The following PTPDC1 variants were observed in gnomAD, a reference collection of about 807,000 sequenced individuals.
The protein encoded by PTPDC1 is protein tyrosine phosphatase domain-containing protein 1.
PTPDC1 carries 53 observed loss-of-function variants against 75.3 expected under a neutral mutation model. The ratio of observed to expected loss-of-function variants is 0.70; its 90% CI spans 0.56 to 0.88. The LOEUF is 0.88. Ranked by LOEUF, PTPDC1 falls within the 40% of genes least tolerant of loss-of-function variation. PTPDC1 has a pLI of 0.00. For missense variants in PTPDC1, 925 were observed against 998.6 expected (o/e 0.93, Z 0.99); for synonymous variants, 349 against 366.2 (o/e 0.95, Z 0.54).
At chr9:94,031,227 A>G (rs1299571533) in intron 1 of PTPDC1, 2 of 152,144 alleles carry the variant, frequency 1.3e-5, no homozygotes, top group East Asian at 1.9e-4. Flanking sequence ...GTGGAGGCAA[A>G]TCACTGAGGG....
At chr9:94,071,625 A>G (rs1304513107) in intron 2 of PTPDC1, among the ~76,000 whole-genome samples, 2 of 152,160 alleles carry the variant, frequency 1.3e-5, no homozygotes, top group African/African-American at 4.8e-5. Context: ...ACTGATCTAT[A>G]TATCTGTCCA....
intron 1 of PTPDC1, among the ~76,000 whole-genome samples, chr9:94,046,100 G>A (rs1237982773): frequency 6.6e-6 from 1 of 152,122 alleles, no homozygotes; most frequent in Non-Finnish European, 1.5e-5. Flanking sequence ...ATTAAATAGG[G>A]AATCCTTTCC....
chr9:94,042,704 G>A (rs1171174538), intron 1 of PTPDC1, among the ~76,000 whole-genome samples: 6 of 152,196 alleles, frequency 3.9e-5, no homozygotes, highest in African/African-American at 1.4e-4. Context: ...TAACAATGAC[G>A]TTTACTGCTT....
At chr9:94,055,557 AC>A (rs1825907370) in intron 1 of PTPDC1, among the ~76,000 whole-genome samples, 1 of 152,216 alleles carries the variant, frequency 6.6e-6, no homozygotes, top group Admixed American at 6.5e-5. Context: ...ATATGGAGGA[AC>A]CTTAAATGAA....
chr9:94,084,832 C>A, intron 1 of PTPDC1, 58 bp downstream of exon 1: 2 of 1,242,122 alleles, frequency 1.6e-6, no homozygotes, highest in South Asian at 1.5e-5. Context: ...GAATGGGAAT[C>A]AGCTGTGTTG....
intron 4 of PTPDC1, among the ~76,000 whole-genome samples, chr9:94,090,876 CTGTT>C (rs1420300873): frequency 1.4e-5 from 2 of 146,566 alleles, no homozygotes; most frequent in African/African-American, 2.5e-5. Flanking sequence ...ATTTGGCTCT[CTGTT>C]TGTCTGTTGT....
chr9:94,101,765 A>G lies in PTPDC1; in HGVS notation c.2199+14A>G, dbSNP rs368178370. On this transcript the variant is annotated intron_variant, in intron 7 of 8. Coordinates refer to ENST00000620992, the MANE Select transcript of PTPDC1 (RefSeq NM_001253829.2). The stretch of plus-strand genomic sequence containing the variant: ...TTATTAGAGAAGGTAAAGTGGCTGT[A>G]GGACCAGTTAATGACTGTAACTGAG... 13 of 1,580,536 alleles carry G rather than the reference A, an allele frequency of 8.2e-6. No individual in the cohort carries two copies. In the African/African-American group the frequency reaches 1.6e-4, roughly 20 times the overall value.
At chr9:94,050,929 C>T (rs546715029) in intron 1 of PTPDC1, among the ~76,000 whole-genome samples, 17 of 152,302 alleles carry the variant, frequency 1.1e-4, no homozygotes, top group African/African-American at 1.9e-4. Flanking sequence ...CCCCTCCCCT[C>T]GCCTGGCTGC....
intron 2 of PTPDC1, among the ~76,000 whole-genome samples, chr9:94,076,285 T>C (rs1269270626): frequency 6.6e-6 from 1 of 152,192 alleles, no homozygotes; most frequent in African/African-American, 2.4e-5. Context: ...ATTACAGGCG[T>C]GACCCACTAC....
At chr9:94,067,849 A>G (rs1281983285) in intron 2 of PTPDC1, among the ~76,000 whole-genome samples, 1 of 152,294 alleles carries the variant, frequency 6.6e-6, no homozygotes, top group East Asian at 1.9e-4. Context: ...TGATCCACCT[A>G]CCACAGCCTC....
At chr9:94,073,803 C>G (rs192175910) in intron 2 of PTPDC1, among the ~76,000 whole-genome samples, 5 of 152,178 alleles carry the variant, frequency 3.3e-5, no homozygotes, top group African/African-American at 9.6e-5. Flanking sequence ...TTATTCAGTT[C>G]TGTGTGTTTT....
intron 1 of PTPDC1, among the ~76,000 whole-genome samples, chr9:94,044,574 C>CT: frequency 6.6e-6 from 1 of 152,204 alleles, no homozygotes; most frequent in East Asian, 1.9e-4. Flanking sequence ...CTGAGGATGA[C>CT]TTTGTATCTT....
chr9:94,100,591 A>G (rs1228358528), intron 6 of PTPDC1: 1 of 152,156 alleles, frequency 6.6e-6, no homozygotes, highest in Non-Finnish European at 1.5e-5. Context: ...TTTGGCTCCT[A>G]GGTGAGTTAT....
intron 2 of PTPDC1, among the ~76,000 whole-genome samples, chr9:94,076,245 C>A (rs1166559171): frequency 6.6e-6 from 1 of 152,156 alleles, no homozygotes; most frequent in Non-Finnish European, 1.5e-5. Flanking sequence ...CTCAGGTAAT[C>A]CACCTGCCTC....
chr9:94,035,214 A>G (rs184874880), intron 1 of PTPDC1, among the ~76,000 whole-genome samples: 1 of 152,316 alleles, frequency 6.6e-6, no homozygotes, highest in East Asian at 1.9e-4. Flanking sequence ...AATATAATGT[A>G]ATACACTGTT....
chr9:94,051,334 C>T (rs1825786692), intron 1 of PTPDC1, among the ~76,000 whole-genome samples: 1 of 152,212 alleles, frequency 6.6e-6, no homozygotes, highest in African/African-American at 2.4e-5. Flanking sequence ...GGAACGGTTC[C>T]TATTCAGCCA....
chr9:94,073,608 A>G (rs1186828843), intron 2 of PTPDC1, among the ~76,000 whole-genome samples: 2 of 151,856 alleles, frequency 1.3e-5, no homozygotes, highest in African/African-American at 2.4e-5. Context: ...TTATGTTCTT[A>G]TTTTTATCTG....
intron 1 of PTPDC1, among the ~76,000 whole-genome samples, chr9:94,036,875 C>G (rs1184173529): frequency 1.3e-5 from 2 of 152,212 alleles, no homozygotes; most frequent in South Asian, 2.1e-4. Flanking sequence ...CATTTGTTCC[C>G]TTGACGCCTG....
At chr9:94,064,714 A>G in intron 1 of PTPDC1, 2 of 1,596,360 alleles carry the variant, frequency 1.3e-6, no homozygotes, top group African/African-American at 2.7e-5. Flanking sequence ...ACTTTCAAAA[A>G]ATAATTTTTT....
Sources: gnomAD v4.1 joint callset for allele counts (sites outside exome capture counted in the v4.1 genomes callset) on GRCh38, gnomAD v4.1.1 for gene constraint, MANE v1.5 for transcripts, NCBI Gene and HGNC (gene_info 2026-07-23, HGNC 2026-07-21) for gene names.